MSN: variants seen among roughly 807,000 people sequenced by gnomAD.
The protein encoded by MSN is moesin, also known as epididymis luminal protein 70.
A neutral mutation model predicts 48.0 loss-of-function variants in MSN; 2 were observed. That is an observed-to-expected ratio of 0.04 (90% CI 0.02 to 0.13). The LOEUF (loss-of-function observed/expected upper bound fraction) is 0.13. Ranked by LOEUF, MSN falls within the 10% of genes least tolerant of loss-of-function variation. The probability of loss-of-function intolerance (pLI) is 1.00; values close to 1 mark genes in which losing one functional copy is unlikely to be tolerated. For synonymous variants in MSN, 146 were observed against 166.9 expected (o/e 0.87, Z 0.97); for missense variants, 267 against 470.1 (o/e 0.57, Z 3.99).
chrX:65,592,437 G>T (rs1468444145), intron 1 of MSN, among the ~76,000 whole-genome samples: 2 of 108,492 alleles, frequency 1.8e-5, no homozygotes, highest in Non-Finnish European at 3.8e-5. Context: ...CTCGTGATCT[G>T]CCCACCTCGG....
chrX:65,684,864 G>A (rs1454151151), intron 1 of MSN, among the ~76,000 whole-genome samples: 1 of 112,456 alleles, frequency 8.9e-6, no homozygotes, highest in African/African-American at 3.2e-5. Context: ...TCAGCCCCCT[G>A]AGTGGCTAAG....
intron 1 of MSN, chrX:65,716,611 G>A: frequency 2.2e-6 from 1 of 449,479 alleles, no homozygotes; most frequent in East Asian, 4.0e-5. Flanking sequence ...GTATTGCTCT[G>A]TGGCTGTGTT....
intron 1 of MSN, among the ~76,000 whole-genome samples, chrX:65,629,675 G>A (rs2070539090): frequency 8.9e-6 from 1 of 111,870 alleles, no homozygotes; most frequent in African/African-American, 3.3e-5. Context: ...TGAGGAAGAA[G>A]CAAAAGCAGA....
chrX:65,724,805 G>A (rs982071834), intron 2 of MSN, among the ~76,000 whole-genome samples: 1 of 110,742 alleles, frequency 9.0e-6, no homozygotes, highest in Non-Finnish European at 1.9e-5. Flanking sequence ...TTCTGCCTCA[G>A]CCTCCCGAGT....
At chrX:65,673,945 A>G (rs1278878856) in intron 1 of MSN, among the ~76,000 whole-genome samples, 2 of 111,447 alleles carry the variant, frequency 1.8e-5, no homozygotes, top group Non-Finnish European at 3.8e-5. Flanking sequence ...TGAGGTGCTC[A>G]GTGTCTTCTC....
intron 1 of MSN, among the ~76,000 whole-genome samples, chrX:65,652,704 A>T (rs2070751206): frequency 8.9e-6 from 1 of 111,924 alleles, no homozygotes; most frequent in Non-Finnish European, 1.9e-5. Context: ...ATTGCTCTTG[A>T]GTCTGGAGAC....
At chrX:65,653,178 C>T (rs1451984351) in intron 1 of MSN, among the ~76,000 whole-genome samples, 1 of 111,298 alleles carries the variant, frequency 9.0e-6, no homozygotes, top group Non-Finnish European at 1.9e-5. Flanking sequence ...GGCTTCTCAT[C>T]TTCCCCTGTG....
intron 1 of MSN, among the ~76,000 whole-genome samples, chrX:65,631,459 C>T (rs2070558125): frequency 9.0e-6 from 1 of 111,442 alleles, no homozygotes; most frequent in Non-Finnish European, 1.9e-5. Context: ...TTTGTCCTTT[C>T]AAAAATGTTA....
intron 1 of MSN, among the ~76,000 whole-genome samples, chrX:65,653,770 A>G (rs1461804990): frequency 1.8e-5 from 2 of 110,565 alleles, no homozygotes; most frequent in African/African-American, 3.3e-5. Context: ...CACTTTTTCT[A>G]TGTGGAAGTA....
upstream of MSN, among the ~76,000 whole-genome samples, chrX:65,663,201 T>G (rs1336494717): frequency 9.3e-6 from 1 of 107,122 alleles, no homozygotes; most frequent in East Asian, 2.9e-4. Context: ...GAGGTTGCAG[T>G]GAGCCACGAT....
intron 1 of MSN, among the ~76,000 whole-genome samples, chrX:65,711,339 C>T (rs1417234911): frequency 1.8e-5 from 2 of 111,003 alleles, no homozygotes; most frequent in South Asian, 3.8e-4. Context: ...GGATTACAGG[C>T]GTGAGCCACC....
intron 1 of MSN, among the ~76,000 whole-genome samples, chrX:65,637,103 AG>A (rs1475531890): frequency 1.9e-5 from 2 of 105,062 alleles, no homozygotes; most frequent in East Asian, 3.0e-4. Flanking sequence ...AAAAAAAAAA[AG>A]AAAGAAAAGA....
upstream of MSN, among the ~76,000 whole-genome samples, chrX:65,663,874 T>A (rs747439967): frequency 1.6e-3 from 176 of 109,620 alleles, no homozygotes; most frequent in African/African-American, 5.2e-3. Flanking sequence ...CTGGCTAGCA[T>A]GGTGAAACCC....
intron 1 of MSN, among the ~76,000 whole-genome samples, chrX:65,626,128 G>T (rs1237254233): frequency 1.2e-4 from 13 of 109,791 alleles, no homozygotes; most frequent in Admixed American, 3.9e-4. Context: ...CTAATTTTTT[G>T]TATTTTTAGT....
At chrX:65,728,652 C>T (rs184093765) in intron 3 of MSN, among the ~76,000 whole-genome samples, 7 of 111,507 alleles carry the variant, frequency 6.3e-5, no homozygotes, top group African/African-American at 2.3e-4. Flanking sequence ...TCTGAAAGAT[C>T]TTACAGTCTT....
chrX:65,615,327 T>G (rs980321278), intron 1 of MSN, among the ~76,000 whole-genome samples: 5 of 108,110 alleles, frequency 4.6e-5, no homozygotes, highest in Admixed American at 9.7e-5. Flanking sequence ...ACCAACAGTG[T>G]AAAAGTGTTC....
rs1194926272 is a variant in MSN, at chrX:65,735,286, C to T, written c.815C>T (p.Pro272Leu). 6 of 1,209,154 alleles carry T rather than the reference C, an allele frequency of 5.0e-6. No homozygotes were observed. Among genetic ancestry groups the T allele is most frequent in the Non-Finnish European group, 1.1e-6 (1 of 894,990 alleles). Residue 272 changes from proline (P) to leucine (L), a missense_variant, in exon 8 of 13, where the codon CCC (proline) becomes CTC (leucine). By Grantham distance (98) the Pro-to-Leu change is moderately conservative. Around this residue, in one of 5 missense-constraint regions of MSN, gnomAD observed 58 missense variants for 104.6 expected, o/e 0.55. Transcript: ENST00000360270. ...CACCAGGACTTCGTCTTCTATGCTC[C>T]CCGGCTGCGGATTAACAAGCGGATC... ...KKAPDFVFYA[P>L]RLRINKRILA... is the part of the protein sequence containing the mutation.
chrX:65,625,519 T>C (rs1318176324), intron 1 of MSN: 3 of 112,577 alleles, frequency 2.7e-5, no homozygotes, highest in African/African-American at 9.7e-5. Context: ...CTTTTATCAA[T>C]ATATAATTTC....
intron 1 of MSN, among the ~76,000 whole-genome samples, chrX:65,652,862 T>C (rs1241139612): frequency 9.0e-6 from 1 of 111,674 alleles, no homozygotes; most frequent in African/African-American, 3.3e-5. Flanking sequence ...TTTAAGATTC[T>C]GATTTCTGTT....
Sources: allele counts gnomAD v4.1 joint callset (sites outside exome capture counted in the v4.1 genomes callset), GRCh38; gene constraint gnomAD v4.1.1; regional missense constraint gnomAD v4.1.1; transcripts MANE v1.5; gene names NCBI Gene and HGNC (gene_info 2026-07-23, HGNC 2026-07-21).